F8: variants seen among roughly 807,000 people sequenced by gnomAD.
F8 encodes the protein antihemophilic factor.
Under a neutral mutation model 140.6 loss-of-function variants are expected in F8, and 12 were observed. The ratio of observed to expected loss-of-function variants is 0.09; its 90% confidence interval spans 0.05 to 0.14. F8 has a LOEUF of 0.14. F8 is among the 10% of genes least tolerant of loss of function. The pLI, the probability that F8 is intolerant of heterozygous loss-of-function variation, is 1.00. For synonymous variants in F8, 585 were observed against 614.6 expected, an observed-to-expected ratio of 0.95 and a Z score of 0.71; for missense variants, 1,354 against 1,720.7, an observed-to-expected ratio of 0.79 and a Z score of 3.77.
chrX:154,958,650 G>T (rs1557281407), intron 10 of F8, among the ~76,000 whole-genome samples: 1 of 111,964 alleles, frequency 8.9e-6, no homozygotes, highest in Non-Finnish European at 1.9e-5. Context: ...GTCTTGCTCT[G>T]TTGCCCAGGC....
chrX:154,990,562 C>A (rs1036889023), intron 4 of F8, among the ~76,000 whole-genome samples: 3 of 112,095 alleles, frequency 2.7e-5, no homozygotes, highest in Non-Finnish European at 5.6e-5. Context: ...TTGCTTTCAG[C>A]CATCAGACAT....
chrX:154,933,386 C>T (rs1885267770), intron 13 of F8, among the ~76,000 whole-genome samples: 1 of 111,975 alleles, frequency 8.9e-6, no homozygotes, highest in Non-Finnish European at 1.9e-5. Context: ...AAGTTGGGGT[C>T]TAGTCAGCAC....
At chrX:154,986,941 G>A (rs2073561715) in intron 5 of F8, among the ~76,000 whole-genome samples, 1 of 111,226 alleles carries the variant, frequency 9.0e-6, no homozygotes, top group Admixed American at 9.6e-5. Flanking sequence ...CAAAGGTTGT[G>A]CACTTAATAA....
intron 14 of F8, among the ~76,000 whole-genome samples, chrX:154,915,781 T>TC (rs2073093368): frequency 8.9e-6 from 1 of 111,916 alleles, no homozygotes; most frequent in African/African-American, 3.3e-5. Context: ...GAATTTGATT[T>TC]CTTTTTTTCT....
chrX:154,993,170 T>C, intron 3 of F8, 22 bp from the exon 4 acceptor site: 1 of 1,163,490 alleles, frequency 8.6e-7, no homozygotes, highest in Admixed American at 2.2e-5. Context: ...AGAAATAAAA[T>C]TGTCCTTTCT....
At chrX:154,967,246 C>G (rs1603435314) in intron 7 of F8, among the ~76,000 whole-genome samples, 2 of 110,792 alleles carry the variant, frequency 1.8e-5, no homozygotes, top group South Asian at 3.8e-4. Context: ...TAGATATAAA[C>G]TTTAAGACAT....
rs782409959 is a variant in F8, at chrX:154,868,169, T to TAA, written c.6430-4944_6430-4943dup. Among the ~76,000 whole-genome samples the TAA allele has an allele frequency of 8.9e-5, 10 of 111,907 alleles. No individual in the cohort carries two copies. The East Asian group carries it at 2.8e-3, about 31-fold the overall frequency. ...CCCACTCAAATCTCACCTTGAATCG[T>TAA]AATCCCCATAATGCCCACATGTCAA... On this transcript the variant is annotated intron_variant, in intron 22 of 25. Transcript: ENST00000360256.
Position 154,899,926 on chromosome X carries a change from T to C in F8, c.6213A>G (p.Arg2071=), listed in dbSNP as rs782353868. ...QYGQWAPKLA[R]LHYSGSINAW... is the part of the protein sequence containing the mutation. ...CATTGATTGATCCGGAATAATGAAG[T>C]CTGGCCAGCTTTGGGGCCCACTGTC... Residue 2071 remains arginine, a synonymous_variant, in exon 21 of 26, where the codon AGA becomes AGG. Transcript: ENST00000360256. 1 of 1,209,620 alleles carries C rather than the reference T, an allele frequency of 8.3e-7. No individual in the cohort carries two copies. The highest frequency in any genetic ancestry group is 1.8e-5 in the African/African-American group (1 of 57,133).
chrX:154,982,028 A>AC (rs1557283656), intron 6 of F8, among the ~76,000 whole-genome samples: 2 of 109,883 alleles, frequency 1.8e-5, no homozygotes, highest in Admixed American at 1.9e-4. Context: ...TACTAAAACT[A>AC]CAAAAATTAG....
At chrX:154,974,394 A>C (rs782049034) in intron 6 of F8, among the ~76,000 whole-genome samples, 1 of 112,295 alleles carries the variant, frequency 8.9e-6, no homozygotes, top group East Asian at 2.8e-4. Flanking sequence ...TATTAAAATG[A>C]TAATATAATT....
intron 25 of F8, among the ~76,000 whole-genome samples, chrX:154,841,257 G>A (rs188272652): frequency 0.11 from 10,292 of 94,562 alleles, 668 homozygotes; most frequent in South Asian, 0.3. Context: ...TCTGGAGCAA[G>A]GTTGGCTAGA....
chrX:154,903,623 T>C (rs928998790), intron 18 of F8, among the ~76,000 whole-genome samples: 4 of 112,302 alleles, frequency 3.6e-5, no homozygotes, highest in African/African-American at 1.3e-4. Flanking sequence ...GGATTTGAGA[T>C]GGTAAATGAT....
In F8 at chrX:154,992,993, C is replaced by T. The variant is rs781863152; in HGVS notation, c.544G>A (p.Asp182Asn). 7.4e-6 allele frequency: 9 copies of T among 1,210,183 alleles called. No homozygotes were observed. In the Admixed American group the frequency reaches 2.0e-4, roughly 26 times the overall value. Residue 182 changes from aspartate to asparagine, a missense_variant, in exon 4 of 26, where the codon GAC becomes AAC. Transcript: ENST00000360256. ...CLTYSYLSHV[D>N]LVKDLNSGLI... ...CCTGAATTCAAGTCTTTTACCAGGT[C>T]CACATGAGAAAGATATGAGTAGGTA...
At chrX:154,895,186 A>G (rs28370226) in intron 22 of F8, among the ~76,000 whole-genome samples, 1,388 of 112,002 alleles carry the variant, frequency 0.012, 24 homozygotes, top group African/African-American at 0.043. Context: ...TGTTGGTGAA[A>G]TCCAACCAAA....
At position 154,938,913 on chromosome X, in the gene F8, T is replaced by C. The variant is rs782011499; in HGVS notation, c.2114-7237A>G. Among the ~76,000 whole-genome samples the C allele has an allele frequency of 1.2e-4, 13 of 110,443 alleles. No homozygotes were observed. In the East Asian group the frequency reaches 3.4e-3, roughly 29 times the overall value. On this transcript the variant is annotated intron_variant, in intron 13 of 25. Coordinates refer to ENST00000360256, the MANE Select transcript of F8 (RefSeq NM_000132.4). ...TATATATATATATAAATGATATTGA[T>C]TATATAAAACAATAATAATGTCTTA...
At chrX:154,914,305 G>T (rs1343331242) in intron 14 of F8, among the ~76,000 whole-genome samples, 1 of 112,660 alleles carries the variant, frequency 8.9e-6, no homozygotes, top group African/African-American at 3.2e-5. Flanking sequence ...TGCTGCGAAG[G>T]TCTCTAACAT....
chrX:154,866,795 A>G (rs1345800718), intron 22 of F8, among the ~76,000 whole-genome samples: 1 of 111,357 alleles, frequency 9.0e-6, no homozygotes, highest in Non-Finnish European at 1.9e-5. Flanking sequence ...GAACTACAAA[A>G]AGAAGAAAAA....
intron 19 of F8, 81 bp from the exon 20 acceptor site, chrX:154,901,523 A>C: frequency 1.5e-6 from 1 of 652,241 alleles, no homozygotes; most frequent in Non-Finnish European, 2.6e-6. Context: ...AAAATGGGAG[A>C]ACGTCAACAA....
chrX:154,995,716 T>C (rs1557285035), intron 3 of F8, among the ~76,000 whole-genome samples: 1 of 112,927 alleles, frequency 8.9e-6, no homozygotes. Flanking sequence ...ATTATTTTAA[T>C]AATGTATTTC....
Sources: gnomAD v4.1 joint callset for allele counts (sites outside exome capture counted in the v4.1 genomes callset) on GRCh38, gnomAD v4.1.1 for gene constraint, MANE v1.5 for transcripts, NCBI Gene and HGNC (gene_info 2026-07-23, HGNC 2026-07-21) for gene names.